Variants in RCAN2 observed in about 807,000 individuals in gnomAD.
RCAN2 encodes the protein regulator of calcineurin 2.
RCAN2 carries 9 observed loss-of-function variants against 23.6 expected under a neutral mutation model. That is an observed-to-expected ratio of 0.38 (90% CI 0.23 to 0.67). The LOEUF is 0.67. Ranked by LOEUF, RCAN2 falls within the 30% of genes least tolerant of loss-of-function variation. The probability of loss-of-function intolerance (pLI) is 0.51; values close to 1 mark genes in which losing one functional copy is unlikely to be tolerated. For synonymous variants in RCAN2, 109 were observed against 115.7 expected (o/e 0.94, Z 0.37); for missense variants, 273 against 302.3 (o/e 0.90, Z 0.72).
intron 2 of RCAN2, among the ~76,000 whole-genome samples, chr6:46,430,527 C>T (rs1767166218): frequency 6.6e-6 from 1 of 152,074 alleles, no homozygotes; most frequent in Non-Finnish European, 1.5e-5. Flanking sequence ...GATGAGATTG[C>T]TTAGGAGGAG....
chr6:46,258,259 C>G (rs965521759), intron 2 of RCAN2, among the ~76,000 whole-genome samples: 8 of 152,180 alleles, frequency 5.3e-5, no homozygotes, highest in Non-Finnish European at 1.5e-5. Context: ...TCAGGAGGAC[C>G]TCCTGGACAG....
chr6:46,379,847 C>T (rs1047044164), intron 2 of RCAN2, among the ~76,000 whole-genome samples: 1 of 152,152 alleles, frequency 6.6e-6, no homozygotes, highest in Non-Finnish European at 1.5e-5. Context: ...TTTCAGATCA[C>T]TGTGTCGTTG....
intron 4 of RCAN2, among the ~76,000 whole-genome samples, chr6:46,245,890 T>C (rs1007752921): frequency 3.3e-5 from 5 of 152,160 alleles, no homozygotes; most frequent in African/African-American, 1.2e-4. Flanking sequence ...GTGCTAAAAA[T>C]CTCAGCTGCC....
intron 2 of RCAN2, among the ~76,000 whole-genome samples, chr6:46,397,755 T>C (rs1397535742): frequency 1.3e-5 from 2 of 152,132 alleles, no homozygotes; most frequent in Admixed American, 6.5e-5. Flanking sequence ...AATGAATGAG[T>C]TCTGATGGTC....
chr6:46,337,162 G>A (rs200733259), intron 2 of RCAN2, among the ~76,000 whole-genome samples: 1 of 147,128 alleles, frequency 6.8e-6, no homozygotes, highest in South Asian at 2.2e-4. Flanking sequence ...TTAAAAAAAA[G>A]CAAAAAAAAT....
intron 2 of RCAN2, among the ~76,000 whole-genome samples, chr6:46,367,034 T>A (rs1298697820): frequency 8.5e-6 from 1 of 117,008 alleles, no homozygotes; most frequent in Non-Finnish European, 1.8e-5. Context: ...TATATATATA[T>A]ATATATATAT....
At chr6:46,374,724 T>C (rs1765413394) in intron 2 of RCAN2, among the ~76,000 whole-genome samples, 1 of 152,226 alleles carries the variant, frequency 6.6e-6, no homozygotes, top group African/African-American at 2.4e-5. Flanking sequence ...CTGTTTGCTC[T>C]ACACAGTCCA....
intron 2 of RCAN2, among the ~76,000 whole-genome samples, chr6:46,289,191 T>C (rs1489533939): frequency 1.3e-5 from 2 of 152,204 alleles, no homozygotes; most frequent in Non-Finnish European, 2.9e-5. Context: ...CTCTCCTACA[T>C]GGACCTTCAT....
intron 1 of RCAN2, among the ~76,000 whole-genome samples, chr6:46,464,532 A>G (rs1768317953): frequency 6.6e-6 from 1 of 152,144 alleles, no homozygotes; most frequent in African/African-American, 2.4e-5. Context: ...TTGAAGTATA[A>G]TATTAGTAAC....
rs188870344 is a variant in RCAN2, at chr6:46,227,140, C to G, written c.572-3839G>C. Among the ~76,000 whole-genome samples, 361 of 152,284 alleles carry G rather than the reference C, an allele frequency of 2.4e-3. 1 individual carries two copies. The highest frequency in any genetic ancestry group is 4.2e-3 in the Non-Finnish European group (288 of 68,024). The stretch of plus-strand genomic sequence containing the variant: ...CCTTGCATCTCAGGGATGAAGCCCA[C>G]TTGATCATGGTGGATAAGCTTTTTG... On this transcript the variant is annotated intron_variant, in intron 4 of 4. Coordinates refer to ENST00000371374, the MANE Select transcript of RCAN2 (RefSeq NM_001251974.2).
chr6:46,453,915 G>A (rs1442805356), intron 2 of RCAN2, among the ~76,000 whole-genome samples: 3 of 152,102 alleles, frequency 2.0e-5, no homozygotes, highest in Non-Finnish European at 4.4e-5. Context: ...TGAAACCACC[G>A]ACCCTCGTAA....
At chr6:46,277,394 C>G (rs1003130962) in intron 2 of RCAN2, among the ~76,000 whole-genome samples, 2 of 152,058 alleles carry the variant, frequency 1.3e-5, no homozygotes, top group Middle Eastern at 3.2e-3. Flanking sequence ...CAAACTAAGA[C>G]ACATTTCAGT....
chr6:46,321,241 G>T (rs80349781), intron 2 of RCAN2, among the ~76,000 whole-genome samples: 1,821 of 152,186 alleles, frequency 0.012, 11 homozygotes, highest in Non-Finnish European at 0.018. Flanking sequence ...CTTCATTTTT[G>T]TTCATAGCCC....
intron 2 of RCAN2, among the ~76,000 whole-genome samples, chr6:46,364,626 C>G (rs1311343566): frequency 6.6e-6 from 1 of 152,182 alleles, no homozygotes; most frequent in Non-Finnish European, 1.5e-5. Flanking sequence ...ATCATTTAGT[C>G]TTTGCAACAT....
intron 2 of RCAN2, among the ~76,000 whole-genome samples, chr6:46,251,130 G>T (rs535712847): frequency 4.8e-4 from 73 of 152,080 alleles, no homozygotes; most frequent in African/African-American, 1.6e-3. Context: ...TTCCCATCAC[G>T]AACAAAACAA....
chr6:46,305,905 C>T (rs1682071184), intron 2 of RCAN2, among the ~76,000 whole-genome samples: 2 of 151,602 alleles, frequency 1.3e-5, no homozygotes, highest in African/African-American at 2.4e-5. Context: ...TAGTCCTGTT[C>T]TCTGCTGAAG....
intron 2 of RCAN2, among the ~76,000 whole-genome samples, chr6:46,454,355 C>T (rs1239515142): frequency 6.6e-6 from 1 of 152,006 alleles, no homozygotes; most frequent in Non-Finnish European, 1.5e-5. Flanking sequence ...AATGAGATGC[C>T]ACAAGACTCC....
At chr6:46,403,388 C>G (rs531948529) in intron 2 of RCAN2, among the ~76,000 whole-genome samples, 1 of 151,478 alleles carries the variant, frequency 6.6e-6, no homozygotes, top group East Asian at 2.0e-4. Context: ...GCCTGACCAA[C>G]ATGGAGAAAC....
chr6:46,289,524 A>G (rs1044139693), intron 2 of RCAN2, among the ~76,000 whole-genome samples: 1 of 152,194 alleles, frequency 6.6e-6, no homozygotes, highest in African/African-American at 2.4e-5. Context: ...GCTAATGTAG[A>G]GAGTGGGCTG....
Sources: allele counts gnomAD v4.1 joint callset (sites outside exome capture counted in the v4.1 genomes callset), GRCh38; gene constraint gnomAD v4.1.1; transcripts MANE v1.5; gene names NCBI Gene and HGNC (gene_info 2026-07-23, HGNC 2026-07-21).